Variants in CEP295 observed in about 807,000 individuals in gnomAD.
CEP295 encodes centrosomal protein of 295 kDa.
In CEP295, 190 loss-of-function variants were observed where a neutral mutation model predicts 291.6. The ratio of observed to expected loss-of-function variants is 0.65; its 90% CI spans 0.58 to 0.73. The LOEUF (loss-of-function observed/expected upper bound fraction) is 0.73, where lower values mean the gene tolerates loss of function less well. Ranked by LOEUF, CEP295 falls within the 30% of genes least tolerant of loss-of-function variation. The probability of loss-of-function intolerance (pLI) is 0.00; values close to 1 mark genes in which losing one functional copy is unlikely to be tolerated. For synonymous variants in CEP295, 993 were observed against 1,038.8 expected, an observed-to-expected ratio of 0.96 and a Z score of 0.85; for missense variants, 2,863 against 2,949.4, an observed-to-expected ratio of 0.97 and a Z score of 0.68.
chr11:93,676,946 A>G (rs1029733471), intron 6 of CEP295, among the ~76,000 whole-genome samples: 1 of 152,108 alleles, frequency 6.6e-6, no homozygotes, highest in Non-Finnish European at 1.5e-5. Flanking sequence ...TGTTTCTAAC[A>G]GTTTTATGAA....
At position 93,702,931 on chromosome 11, in the gene CEP295, C is replaced by CTT; in HGVS notation, c.5596+14_5596+15dup. The CTT allele has an allele frequency of 1.3e-6, 2 of 1,521,952 alleles. No individual in the cohort carries two copies. The highest frequency in any genetic ancestry group is 8.8e-7 in the Non-Finnish European group (1 of 1,136,304). The allele number at this position is 1,521,952 out of a possible 1,614,324, so 94.3% of individuals were successfully genotyped here. A position where few individuals can be genotyped will look rare whatever the true frequency, so the allele number is the denominator to read the frequency against. ...AACTTCTATACTAGGTAAATAGATG[C>CTT]TTTGATAAAACAAGATTTTTAAATA... On this transcript the variant is annotated intron_variant, in intron 17 of 29. Coordinates refer to ENST00000325212, the MANE Select transcript of CEP295 (RefSeq NM_033395.2).
intron 23 of CEP295, chr11:93,726,681 T>A: frequency 4.2e-6 from 1 of 240,530 alleles, no homozygotes; most frequent in Non-Finnish European, 7.9e-6. Flanking sequence ...GATGCTTTAT[T>A]CTCTTTTCTG....
chr11:93,721,665 GGTGTGTGTGTGTGT>G (rs59894789), intron 19 of CEP295: 51 of 607,122 alleles, frequency 8.4e-5, no homozygotes, highest in East Asian at 4.2e-4. Context: ...GCATATGTCT[GGTGTGTGTGTGTGT>G]GTGTGTGTGT....
rs769895340 is a variant in CEP295, at chr11:93,698,273, A to G, written c.3361A>G (p.Arg1121Gly). Residue 1121 changes from arginine to glycine, a missense_variant, in exon 15 of 30, where the codon AGG (arginine) becomes GGG (glycine). Arg to Gly is a moderately radical substitution (Grantham distance 125, BLOSUM62 -2). Around this residue, in one of 3 missense-constraint regions of CEP295, gnomAD observed 2,295 missense variants for 2,335.7 expected, o/e 0.98. Transcript: ENST00000325212. ...ACAAGCTTCTGCTAAAGCTGAGCCT[A>G]GGAGAATTCAGGAGCTTTATTTATC... ...ASQASAKAEP[R>G]RIQELYLSEK... 32 of 1,551,820 alleles carry G rather than the reference A, an allele frequency of 2.1e-5. No individual in the cohort carries two copies. Among genetic ancestry groups the G allele is most frequent in the Non-Finnish European group, 2.7e-5 (31 of 1,147,010 alleles).
intron 3 of CEP295, among the ~76,000 whole-genome samples, chr11:93,668,566 C>A (rs1316145819): frequency 6.6e-6 from 1 of 152,032 alleles, no homozygotes. Flanking sequence ...CTAAGTAGTT[C>A]GATATCCTAT....
rs182070578 is a variant in CEP295 at position 93,693,354 on chromosome 11, C to A, written c.1533+1324C>A. Among the ~76,000 whole-genome samples, 770 of 152,128 alleles carry A rather than the reference C, an allele frequency of 5.1e-3. 11 individuals carry two copies. Among genetic ancestry groups the A allele is most frequent in the African/African-American group, 0.017 (710 of 41,500 alleles). On this transcript the variant is annotated intron_variant, in intron 12 of 29. Coordinates refer to ENST00000325212, the MANE Select transcript of CEP295 (RefSeq NM_033395.2). ...AAAATATTTTTTTAACCCAACTTAC[C>A]TCGAAGGAGGCTAATTATTACTAAG...
In CEP295 at chr11:93,721,982, C is replaced by A; in HGVS notation, c.5879C>A (p.Ser1960Tyr). Residue 1960 changes from serine to tyrosine, a missense_variant, in exon 20 of 30, where the codon TCT becomes TAT. Physicochemically the swap from Ser to Tyr is moderately radical, Grantham distance 144. Coordinates refer to ENST00000325212, the MANE Select transcript of CEP295 (RefSeq NM_033395.2). ...AAAACACTGTCTTATGAACCATTAT[C>A]TTCAGCAACTGTTTCCACTGGGAGC... ...KAKTLSYEPL[S>Y]SATVSTGSLL... 6.3e-7 allele frequency: 1 copy of A among 1,597,984 alleles called. No individual in the cohort carries two copies. The highest frequency in any genetic ancestry group is 8.5e-7 in the Non-Finnish European group (1 of 1,170,324).
rs149035810 is a variant in CEP295, at chr11:93,678,097, T to C, written c.625-1315T>C. Among the ~76,000 whole-genome samples, 347 of 152,278 alleles carry C rather than the reference T, an allele frequency of 2.3e-3. 3 individuals carry two copies. The highest frequency in any genetic ancestry group is 7.7e-3 in the African/African-American group (320 of 41,578). On this transcript the variant is annotated intron_variant, in intron 6 of 29. Coordinates refer to ENST00000325212, the MANE Select transcript of CEP295 (RefSeq NM_033395.2). ...ACTGATATTTATCATTCATGTTGTA[T>C]GCTATTTTGAAATTTTTCCTTTCTT...
intron 7 of CEP295, among the ~76,000 whole-genome samples, chr11:93,680,745 A>T (rs1466814550): frequency 6.6e-6 from 1 of 152,224 alleles, no homozygotes; most frequent in African/African-American, 2.4e-5. Flanking sequence ...CTTATTGTTC[A>T]TTTAGTGCTT....
At chr11:93,681,237 GTTT>G (rs11320777) in intron 7 of CEP295, among the ~76,000 whole-genome samples, 4 of 141,658 alleles carry the variant, frequency 2.8e-5, no homozygotes, top group Non-Finnish European at 4.6e-5. Flanking sequence ...TTCATGTGTT[GTTT>G]TTTTTTTTTT....
chr11:93,669,118 T>G (rs1200309603), intron 4 of CEP295, among the ~76,000 whole-genome samples, 186 bp downstream of exon 4: 1 of 152,150 alleles, frequency 6.6e-6, no homozygotes, highest in East Asian at 1.9e-4. Flanking sequence ...TAGTAACTAA[T>G]GAGCTTTCTT....
chr11:93,730,133 A>C lies in CEP295; in HGVS notation c.7752A>C (p.Ala2584=). The part of the protein sequence containing the change: ...QEAYAQNRAR[A]KEFHKKTLEK... ...CTTATGCCCAAAACAGAGCAAGGGC[A>C]AAAGAATTCCATAAGGTGAGTATAA... Residue 2584 remains alanine, a synonymous_variant, in exon 29 of 30, where the codon GCA becomes GCC. Coordinates refer to ENST00000325212, the MANE Select transcript of CEP295 (RefSeq NM_033395.2). 6.4e-7 allele frequency: 1 copy of C among 1,551,150 alleles called. No individual in the cohort carries two copies. The highest frequency in any genetic ancestry group is 8.7e-7 in the Non-Finnish European group (1 of 1,146,856).
rs1406742584 is a variant in CEP295, at chr11:93,696,341, T to C, written c.1693T>C (p.Cys565Arg). Reference protein sequence around the residue: ...PTGVGIAPASCPVISDEDSHR... With the variant: ...PTGVGIAPASRPVISDEDSHR... ...TTAGGTTGGCATTGCTCCAGCATCA[T>C]GCCCTGTAATTTCTGATGAAGATAG... is the stretch of plus-strand genomic sequence containing the variant. The change falls in exon 14 of 30, where the codon TGC (cysteine) becomes CGC (arginine). Residue 565 changes from cysteine to arginine, a missense_variant. Cys to Arg is a radical substitution (Grantham distance 180, BLOSUM62 -3). Around this residue, in one of 3 missense-constraint regions of CEP295, gnomAD observed 2,295 missense variants for 2,335.7 expected, o/e 0.98. Transcript: ENST00000325212. 6.5e-6 allele frequency: 10 copies of C among 1,550,152 alleles called. No homozygotes were observed. In the Middle Eastern group the frequency reaches 8.4e-4, roughly 130 times the overall value.
intron 15 of CEP295, among the ~76,000 whole-genome samples, chr11:93,700,644 G>T (rs1001802793): frequency 6.6e-6 from 1 of 151,522 alleles, no homozygotes; most frequent in Non-Finnish European, 1.5e-5. Context: ...ATGTTGCTGG[G>T]ATTACAAAGT....
rs1388575037 is a variant in CEP295, at chr11:93,721,782, A to T, written c.5851-172A>T. ...GGGGGTGCGTATGTATGTCTATGAA[A>T]GCCTAATCATTTCTGGGCAATGATG... On this transcript the variant is annotated intron_variant, in intron 19 of 29. Coordinates refer to ENST00000325212, the MANE Select transcript of CEP295 (RefSeq NM_033395.2). 3 of 730,838 alleles carry T rather than the reference A, an allele frequency of 4.1e-6. No homozygotes were observed. In the Admixed American group the frequency reaches 5.5e-5, roughly 13 times the overall value. 45.3% of individuals were successfully genotyped at this position (730,838 alleles called of 1,614,324 possible). A position where few individuals can be genotyped will look rare whatever the true frequency, so the allele number is the denominator to read the frequency against.
At chr11:93,724,146 A>G in intron 21 of CEP295, 108 bp from the exon 22 acceptor site, 1 of 1,020,400 alleles carries the variant, frequency 9.8e-7, no homozygotes, top group Non-Finnish European at 1.4e-6. Flanking sequence ...ACCTGAAAAT[A>G]AGCGTTTATG....
At position 93,728,832 on chromosome 11, in the gene CEP295, G is replaced by A. The variant is rs1937804452; in HGVS notation, c.7302+11G>A. ...AAATGCTTCTTTCAGGTAAATTTAA[G>A]CTTTCCTTCTATTTTATTCTATTAC... On this transcript the variant is annotated intron_variant, in intron 25 of 29. Transcript: ENST00000325212. 6.5e-7 allele frequency: 1 copy of A among 1,532,580 alleles called. No homozygotes were observed. Among genetic ancestry groups the A allele is most frequent in the Admixed American group, 2.1e-5 (1 of 46,548 alleles). The allele number at this position is 1,532,580 out of a possible 1,614,324, so 94.9% of individuals were successfully genotyped here. A position where few individuals can be genotyped will look rare whatever the true frequency, so the allele number is the denominator to read the frequency against.
rs79530215 is a variant in CEP295 at position 93,706,166 on chromosome 11, G to A, written c.5597-579G>A. On this transcript the variant is annotated intron_variant, in intron 17 of 29. Coordinates refer to ENST00000325212, the MANE Select transcript of CEP295 (RefSeq NM_033395.2). ...CAGGAGAGGGATAACTCTTCCAAGT[G>A]CATAGTCTTAAATGTTCTGTTTTTA... Among the ~76,000 whole-genome samples the A allele has an allele frequency of 6.7e-3, 1,016 of 152,270 alleles. 17 individuals are homozygous for A. The highest frequency in any genetic ancestry group is 0.053 in the East Asian group (274 of 5,178).
chr11:93,715,628 C>A (rs879435146), intron 18 of CEP295, among the ~76,000 whole-genome samples: 7 of 152,030 alleles, frequency 4.6e-5, no homozygotes, highest in Non-Finnish European at 1.0e-4. Context: ...CTCAGAGTCT[C>A]ACCTAAGGCC....
Sources: allele counts gnomAD v4.1 joint callset (sites outside exome capture counted in the v4.1 genomes callset), GRCh38; gene constraint gnomAD v4.1.1; regional missense constraint gnomAD v4.1.1; transcripts MANE v1.5; gene names NCBI Gene and HGNC (gene_info 2026-07-23, HGNC 2026-07-21).